The following LRRC8A variants were observed in gnomAD, a reference collection of about 807,000 sequenced individuals.
The protein encoded by LRRC8A is leucine rich repeat containing 8 VRAC subunit A, also known as volume-regulated anion channel subunit LRRC8A.
In LRRC8A, 24 loss-of-function variants were observed where a neutral mutation model predicts 52.5. The observed-to-expected ratio is 0.46, with a 90% CI of 0.33 to 0.64. LRRC8A has a LOEUF of 0.64. LRRC8A is among the 30% of genes least tolerant of loss of function. The probability of loss-of-function intolerance (pLI) is 0.02; values close to 1 mark genes in which losing one functional copy is unlikely to be tolerated. For missense variants in LRRC8A, 677 were observed against 1,094.7 expected, an observed-to-expected ratio of 0.62 and a Z score of 5.38; for synonymous variants, 492 against 494.2, an observed-to-expected ratio of 1.00 and a Z score of 0.06.
chr9:128,882,685 C>G (rs756943860), intron 1 of LRRC8A: 2 of 399,034 alleles, frequency 5.0e-6, no homozygotes, highest in Non-Finnish European at 8.8e-6. Flanking sequence ...AGTTCCTGGT[C>G]CCCTTCTCTT....
chr9:128,910,611 G>A (rs1840472864), intron 3 of LRRC8A, among the ~76,000 whole-genome samples: 2 of 152,146 alleles, frequency 1.3e-5, no homozygotes, highest in Admixed American at 1.3e-4. Flanking sequence ...GATCGCTTCA[G>A]CCTAGGAGTT....
At chr9:128,895,112 A>G (rs543720075) in intron 2 of LRRC8A, among the ~76,000 whole-genome samples, 2 of 152,312 alleles carry the variant, frequency 1.3e-5, no homozygotes, top group South Asian at 4.2e-4. Flanking sequence ...CTTCTTTCGC[A>G]GATAACACAT....
chr9:128,890,581 C>T (rs1839577176), intron 2 of LRRC8A, among the ~76,000 whole-genome samples: 1 of 152,184 alleles, frequency 6.6e-6, no homozygotes. Flanking sequence ...CCAGCTGACT[C>T]CATGAGTCAG....
At chr9:128,897,269 G>A (rs548796995) in intron 2 of LRRC8A, among the ~76,000 whole-genome samples, 3 of 152,046 alleles carry the variant, frequency 2.0e-5, no homozygotes, top group East Asian at 3.9e-4. Flanking sequence ...TTGTTGCTCA[G>A]ACTGGAGATC....
Position 128,905,316 on chromosome 9 carries a change from C to T in LRRC8A, c.-8-1841C>T, listed in dbSNP as rs575901927. ...GCTGCTACGCTTTTTTACAATTTTC[C>T]GTATGTTCTCCAGGGAACATCTAGT... On this transcript the variant is annotated intron_variant, in intron 2 of 3. Transcript: ENST00000372600. Among the ~76,000 whole-genome samples the T allele has an allele frequency of 5.9e-5, 9 of 152,294 alleles. No individual in the cohort carries two copies. The East Asian group carries it at 1.3e-3, about 23-fold the overall frequency.
At position 128,916,501 on chromosome 9, in the gene LRRC8A, C is replaced by T. The variant is rs913232744; in HGVS notation, c.*130C>T. Reference sequence around the variant, plus strand: ...TCGTGGCTGGGCAGGAGCCTGGGGCCGCTTGTGAGTCAGGCCAGAGCGAGA... The same window carrying T: ...TCGTGGCTGGGCAGGAGCCTGGGGCTGCTTGTGAGTCAGGCCAGAGCGAGA... On this transcript the variant is annotated 3_prime_UTR_variant, in exon 4 of 4. Coordinates refer to ENST00000372600, the MANE Select transcript of LRRC8A (RefSeq NM_019594.4). The surrounding 1 kb of genome is among the most constrained non-coding windows in gnomAD (Gnocchi z 6.1). 1.3e-5 allele frequency: 15 copies of T among 1,183,420 alleles called. No homozygotes were observed. The African/African-American group carries it at 1.4e-4, about 11-fold the overall frequency. The allele number at this position is 1,183,420 out of a possible 1,614,324, so 73.3% of individuals were successfully genotyped here.
chr9:128,893,444 G>A (rs1839704333), intron 2 of LRRC8A, among the ~76,000 whole-genome samples: 3 of 152,198 alleles, frequency 2.0e-5, no homozygotes, highest in Admixed American at 1.3e-4. Flanking sequence ...ATTTTAGGAT[G>A]TAATATTTCC....
At chr9:128,904,822 G>A (rs548340591) in intron 2 of LRRC8A, among the ~76,000 whole-genome samples, 9 of 151,648 alleles carry the variant, frequency 5.9e-5, no homozygotes, top group South Asian at 2.1e-4. Context: ...GTGAAACCCC[G>A]TCTCTACTAA....
rs558738167 is a variant in LRRC8A, at chr9:128,887,434, G to A, written c.-9+1313G>A. On this transcript the variant is annotated intron_variant, in intron 2 of 3. Coordinates refer to ENST00000372600, the MANE Select transcript of LRRC8A (RefSeq NM_019594.4). The stretch of plus-strand genomic sequence containing the variant: ...CTGCCTTGGCCTCCTAAAGTGCTGG[G>A]ATTATGGGTGTGAGCCACCATGCCA... Among the ~76,000 whole-genome samples the A allele has an allele frequency of 3.3e-5, 5 of 152,226 alleles. No individual in the cohort carries two copies. In the South Asian group the frequency reaches 1.0e-3, roughly 32 times the overall value.
intron 2 of LRRC8A, among the ~76,000 whole-genome samples, chr9:128,893,127 T>A (rs1839690076): frequency 1.3e-5 from 2 of 152,106 alleles, no homozygotes. Flanking sequence ...TGACTGGCTC[T>A]GAGAGCAGAT....
chr9:128,899,644 C>G lies in LRRC8A; in HGVS notation c.-8-7513C>G, dbSNP rs1839951480. ...CATTACGTTAAGTGATACAGCCCATCACAAAAGGACAAATACCTTATGATT... is the reference window on the plus strand; with the variant it reads ...CATTACGTTAAGTGATACAGCCCATGACAAAAGGACAAATACCTTATGATT... On this transcript the variant is annotated intron_variant, in intron 2 of 3. Coordinates refer to ENST00000372600, the MANE Select transcript of LRRC8A (RefSeq NM_019594.4). This position sits in a 1 kb window ranked among gnomAD's most constrained non-coding sequence, Gnocchi z 4.0. Among the ~76,000 whole-genome samples, 2 of 152,120 alleles carry G rather than the reference C, an allele frequency of 1.3e-5. No individual in the cohort carries two copies. Among genetic ancestry groups the G allele is most frequent in the Non-Finnish European group, 2.9e-5 (2 of 68,028 alleles).
chr9:128,907,803 G>A lies in LRRC8A; in HGVS notation c.639G>A (p.Gln213=), dbSNP rs752564024. Reference sequence around the variant, plus strand: ...TGGAGGCCACCGTGCCCATGCTGCAGCGGACCAAGTCACGGATCGAGCAGG... The same window carrying A: ...TGGAGGCCACCGTGCCCATGCTGCAACGGACCAAGTCACGGATCGAGCAGG... The part of the protein sequence containing the change: ...EDVEATVPML[Q]RTKSRIEQGI... The change falls in exon 3 of 4, where the codon CAG becomes CAA. Residue 213 remains glutamine (Q), a synonymous_variant. Coordinates refer to ENST00000372600, the MANE Select transcript of LRRC8A (RefSeq NM_019594.4). This position sits in a 1 kb window ranked among gnomAD's most constrained non-coding sequence, Gnocchi z 9.3. 1 of 1,614,030 alleles carries A rather than the reference G, an allele frequency of 6.2e-7. No individual in the cohort carries two copies. The highest frequency in any genetic ancestry group is 1.1e-5 in the South Asian group (1 of 91,070).
intron 2 of LRRC8A, among the ~76,000 whole-genome samples, chr9:128,898,804 C>A (rs1839920213): frequency 1.3e-5 from 2 of 152,244 alleles, no homozygotes; most frequent in Non-Finnish European, 2.9e-5. Context: ...GGCTTGCTCT[C>A]CACTGACCTG....
chr9:128,886,658 C>T lies in LRRC8A; in HGVS notation c.-9+537C>T, dbSNP rs188669149. On this transcript the variant is annotated intron_variant, in intron 2 of 3. Transcript: ENST00000372600. ...ATCTTTGGGGACTGGGATTCCTTGG[C>T]CTGTGCTTTGGAAAACAGTTCCCAG... Among the ~76,000 whole-genome samples the T allele has an allele frequency of 1.2e-4, 18 of 152,278 alleles. No homozygotes were observed. In the East Asian group the frequency reaches 1.3e-3, roughly 11 times the overall value.
intron 2 of LRRC8A, among the ~76,000 whole-genome samples, chr9:128,900,197 T>C (rs1309830022): frequency 1.3e-5 from 2 of 152,196 alleles, no homozygotes; most frequent in African/African-American, 2.4e-5. Flanking sequence ...CTGAAACTGC[T>C]GCTGGCCTCT....
chr9:128,910,718 CCATTGAAA>C (rs1011762501), intron 3 of LRRC8A, among the ~76,000 whole-genome samples: 1 of 152,106 alleles, frequency 6.6e-6, no homozygotes, highest in African/African-American at 2.4e-5. Flanking sequence ...CTGGAGCCGG[CCATTGAAA>C]CATGGGGTTT....
rs1839937660 is a variant in LRRC8A, at chr9:128,899,272, G to A, written c.-8-7885G>A. Among the ~76,000 whole-genome samples, 1 of 152,146 alleles carries A rather than the reference G, an allele frequency of 6.6e-6. No homozygotes were observed. Among genetic ancestry groups the A allele is most frequent in the South Asian group, 2.1e-4 (1 of 4,828 alleles). ...AGAGGGCCGAGCACAGGGAGGATAA[G>A]CAAGGGCACTTTCCGTAAGGCAGAG... On this transcript the variant is annotated intron_variant, in intron 2 of 3. Coordinates refer to ENST00000372600, the MANE Select transcript of LRRC8A (RefSeq NM_019594.4). This position sits in a 1 kb window ranked among gnomAD's most constrained non-coding sequence, Gnocchi z 4.0.
At chr9:128,898,529 G>A (rs565317715) in intron 2 of LRRC8A, among the ~76,000 whole-genome samples, 1 of 152,222 alleles carries the variant, frequency 6.6e-6, no homozygotes, top group Non-Finnish European at 1.5e-5. Flanking sequence ...TGAAGTCAGG[G>A]TTGCTCTGGC....
intron 2 of LRRC8A, among the ~76,000 whole-genome samples, chr9:128,904,515 C>A (rs1279120211): frequency 1.3e-5 from 2 of 151,914 alleles, no homozygotes; most frequent in African/African-American, 4.8e-5. Context: ...AATACTCTGT[C>A]TCTAAATAAA....
Sources: allele counts gnomAD v4.1 joint callset (sites outside exome capture counted in the v4.1 genomes callset), GRCh38; gene constraint gnomAD v4.1.1; non-coding constraint Gnocchi (gnomAD v3.1); transcripts MANE v1.5; gene names NCBI Gene and HGNC (gene_info 2026-07-23, HGNC 2026-07-21).